Variants in RYR2 observed in about 807,000 individuals in gnomAD.
RYR2 encodes the protein ryanodine receptor 2, also known as cardiac muscle ryanodine receptor-calcium release channel.
Under a neutral mutation model 601.1 loss-of-function variants are expected in RYR2, and 227 were observed. The observed-to-expected ratio is 0.38, with a 90% CI of 0.34 to 0.42. The LOEUF (loss-of-function observed/expected upper bound fraction) is 0.42. Ranked by LOEUF, RYR2 falls within the 10% of genes least tolerant of loss-of-function variation. The pLI, the probability that RYR2 is intolerant of heterozygous loss-of-function variation, is 1.00. For missense variants in RYR2, 4,646 were observed against 6,156.5 expected (o/e 0.75, Z 8.21); for synonymous variants, 2,223 against 2,175.1 (o/e 1.02, Z -0.61).
In RYR2 at chr1:237,644,334, G is replaced by A. The variant is rs574754623; in HGVS notation, c.7342+887G>A. On this transcript the variant is annotated intron_variant, in intron 48 of 104. Coordinates refer to ENST00000366574, the MANE Select transcript of RYR2 (RefSeq NM_001035.3). ...TGCAATCTCTGCCTCACAGGTTCAA[G>A]CAATCCTCCTGCCTCAGCCTCCCAA... Among the ~76,000 whole-genome samples the A allele has an allele frequency of 2.6e-5, 4 of 152,196 alleles. No individual in the cohort carries two copies. The East Asian group carries it at 5.8e-4, about 22-fold the overall frequency.
chr1:237,807,484 T>C (rs1212551417), intron 99 of RYR2, among the ~76,000 whole-genome samples: 1 of 152,180 alleles, frequency 6.6e-6, no homozygotes, highest in African/African-American at 2.4e-5. Flanking sequence ...CCCGCATAGC[T>C]GGGATTATAG....
At chr1:237,678,159 C>G in intron 61 of RYR2, 47 bp downstream of exon 61, 1 of 1,035,218 alleles carries the variant, frequency 9.7e-7, no homozygotes, top group African/African-American at 1.6e-5. Flanking sequence ...TGTTTGTTTA[C>G]ATACCCTACT....
intron 1 of RYR2, among the ~76,000 whole-genome samples, chr1:237,226,430 G>A (rs573524739): frequency 1.3e-5 from 2 of 152,256 alleles, no homozygotes; most frequent in South Asian, 4.1e-4. Flanking sequence ...GTTCTAGAAG[G>A]CATTGTTGTC....
At chr1:237,546,853 G>T (rs1669860268) in intron 25 of RYR2, among the ~76,000 whole-genome samples, 1 of 151,378 alleles carries the variant, frequency 6.6e-6, no homozygotes, top group African/African-American at 2.4e-5. Context: ...CTAGGTGCTG[G>T]GGGGTCACTG....
chr1:237,543,543 C>G (rs1173897093), intron 25 of RYR2, among the ~76,000 whole-genome samples: 1 of 152,122 alleles, frequency 6.6e-6, no homozygotes, highest in Non-Finnish European at 1.5e-5. Context: ...CTCATTTGTT[C>G]CAAGGTACTT....
chr1:237,832,893 A>G lies in RYR2; in HGVS notation c.*246A>G, dbSNP rs1463038277. 1 of 365,326 alleles carries G rather than the reference A, an allele frequency of 2.7e-6. No homozygotes were observed. The highest frequency in any genetic ancestry group is 2.1e-5 in the African/African-American group (1 of 48,248). The allele number at this position is 365,326 out of a possible 1,614,324, so 22.6% of individuals were successfully genotyped here. On this transcript the variant is annotated 3_prime_UTR_variant, in exon 105 of 105. Transcript: ENST00000366574. ...GACAAAAAAAGGAATTCTGGAAAGA[A>G]AACCATTCTGGACACTGTCATAACA... is the stretch of plus-strand genomic sequence containing the variant.
At chr1:237,405,175 C>T (rs1013378862) in intron 10 of RYR2, among the ~76,000 whole-genome samples, 6 of 152,138 alleles carry the variant, frequency 3.9e-5, no homozygotes, top group African/African-American at 1.2e-4. Flanking sequence ...TGTGACATCA[C>T]CTTGGGAATG....
At chr1:237,413,666 T>C (rs1036443310) in intron 10 of RYR2, among the ~76,000 whole-genome samples, 1 of 152,130 alleles carries the variant, frequency 6.6e-6, no homozygotes, top group East Asian at 1.9e-4. Context: ...TACAGATATA[T>C]GTTCACATAT....
At chr1:237,776,920 C>T (rs1017760848) in intron 87 of RYR2, among the ~76,000 whole-genome samples, 5 of 152,200 alleles carry the variant, frequency 3.3e-5, no homozygotes, top group African/African-American at 4.8e-5. Flanking sequence ...TGGTGGCCCC[C>T]ATCCACCTTG....
intron 77 of RYR2, among the ~76,000 whole-genome samples, chr1:237,731,207 C>T (rs1167665486): frequency 6.6e-6 from 1 of 152,042 alleles, no homozygotes; most frequent in African/African-American, 2.4e-5. Context: ...GGCTTAATTA[C>T]AGGAAAGAAC....
intron 56 of RYR2, among the ~76,000 whole-genome samples, chr1:237,665,706 C>T (rs948378289): frequency 2.0e-5 from 3 of 152,200 alleles, no homozygotes; most frequent in African/African-American, 4.8e-5. Context: ...AAGTATCGCT[C>T]ATGAGCCTGT....
At position 237,778,701 on chromosome 1, in the gene RYR2, C is replaced by G; in HGVS notation, c.11811C>G (p.His3937Gln). 1 of 1,611,262 alleles carries G rather than the reference C, an allele frequency of 6.2e-7. No homozygotes were observed. The highest frequency in any genetic ancestry group is 2.2e-5 in the East Asian group (1 of 44,842). The change falls in exon 88 of 105, where the codon CAC becomes CAG. Residue 3937 changes from histidine (H) to glutamine (Q), a missense_variant. By Grantham distance (24) the His-to-Gln change is conservative. Around this residue, in one of 17 missense-constraint regions of RYR2, gnomAD observed 90 missense variants for 213.3 expected, o/e 0.42. Coordinates refer to ENST00000366574, the MANE Select transcript of RYR2 (RefSeq NM_001035.3). Reference sequence around the variant, plus strand: ...CTGGGAATCAACAGAGTTTGGCACACAGCAGGCTGTGGGATGCTGTGGTCG... The same window carrying G: ...CTGGGAATCAACAGAGTTTGGCACAGAGCAGGCTGTGGGATGCTGTGGTCG... Reference protein sequence around the residue: ...PCTGNQQSLAHSRLWDAVVGF... With the variant: ...PCTGNQQSLAQSRLWDAVVGF...
intron 29 of RYR2, among the ~76,000 whole-genome samples, chr1:237,587,750 A>G (rs1025781902): frequency 6.6e-6 from 1 of 152,224 alleles, no homozygotes; most frequent in African/African-American, 2.4e-5. Context: ...TTTAAATGAA[A>G]GTATTTCAAA....
At chr1:237,481,887 T>C (rs768470280) in intron 17 of RYR2, among the ~76,000 whole-genome samples, 1 of 150,004 alleles carries the variant, frequency 6.7e-6, no homozygotes, top group South Asian at 2.1e-4. Flanking sequence ...AGCTAGACCA[T>C]GTCTTCTCTA....
intron 56 of RYR2, among the ~76,000 whole-genome samples, chr1:237,665,988 C>T (rs1218479362): frequency 7.3e-6 from 1 of 136,400 alleles, no homozygotes; most frequent in Non-Finnish European, 1.7e-5. Flanking sequence ...AGGTATATTT[C>T]ATTTTTTAAA....
At chr1:237,283,343 C>T (rs141685472) in intron 2 of RYR2, among the ~76,000 whole-genome samples, 219 of 152,232 alleles carry the variant, frequency 1.4e-3, no homozygotes, top group African/African-American at 4.9e-3. Context: ...CTCCCTCCCA[C>T]GCTCCTCTCT....
intron 2 of RYR2, among the ~76,000 whole-genome samples, chr1:237,290,463 G>T (rs1692075092): frequency 6.6e-6 from 1 of 152,104 alleles, no homozygotes; most frequent in Non-Finnish European, 1.5e-5. Flanking sequence ...TTGTAGAAAA[G>T]TGTTAAAACT....
intron 15 of RYR2, among the ~76,000 whole-genome samples, chr1:237,454,806 A>G (rs915774858): frequency 1.3e-5 from 2 of 152,218 alleles, no homozygotes; most frequent in Non-Finnish European, 2.9e-5. Context: ...TTCTCCTGGC[A>G]AGAGACATTT....
chr1:237,559,609 C>G, intron 27 of RYR2, among the ~76,000 whole-genome samples: 1 of 152,108 alleles, frequency 6.6e-6, no homozygotes, highest in East Asian at 1.9e-4. Flanking sequence ...TTTAAAATAC[C>G]TAACTTAAAG....
Sources: gnomAD v4.1 joint callset for allele counts (sites outside exome capture counted in the v4.1 genomes callset) on GRCh38, gnomAD v4.1.1 for gene constraint, gnomAD v4.1.1 regional missense constraint, MANE v1.5 for transcripts, NCBI Gene and HGNC (gene_info 2026-07-23, HGNC 2026-07-21) for gene names.